FOXK2: variants seen among roughly 807,000 people sequenced by gnomAD.
The protein encoded by FOXK2 is forkhead box K2.
Under a neutral mutation model 53.3 loss-of-function variants are expected in FOXK2, and 24 were observed. The ratio of observed to expected loss-of-function variants is 0.45; its 90% confidence interval spans 0.33 to 0.63. The LOEUF (loss-of-function observed/expected upper bound fraction) is 0.63, where lower values mean the gene tolerates loss of function less well. FOXK2 is among the 30% of genes least tolerant of loss of function. The probability of loss-of-function intolerance (pLI) is 0.03; values close to 1 mark genes in which losing one functional copy is unlikely to be tolerated. For missense variants in FOXK2, 952 were observed against 910.5 expected, an observed-to-expected ratio of 1.05 and a Z score of -0.59; for synonymous variants, 505 against 407.1, an observed-to-expected ratio of 1.24 and a Z score of -2.89.
chr17:82,530,884 A>G (rs923174526), intron 1 of FOXK2, among the ~76,000 whole-genome samples: 2 of 152,200 alleles, frequency 1.3e-5, no homozygotes, highest in Non-Finnish European at 2.9e-5. Context: ...TTTTGAGTAT[A>G]TAGAGAATGT....
chr17:82,544,292 A>T (rs112770240), intron 1 of FOXK2, among the ~76,000 whole-genome samples: 2 of 152,342 alleles, frequency 1.3e-5, no homozygotes, highest in African/African-American at 4.8e-5. Context: ...AACAACAAAA[A>T]TACTTATTGA....
rs569593705 is a variant in FOXK2, at chr17:82,525,124, C to T, written c.419+4817C>T. On this transcript the variant is annotated intron_variant, in intron 1 of 8. Coordinates refer to ENST00000335255, the MANE Select transcript of FOXK2 (RefSeq NM_004514.4). ...CCGAGTAGCTGGGATTACAGATGCC[C>T]GCCACCATGCCCGGCTAATTTTTGT... 1.5e-3 allele frequency among the ~76,000 whole-genome samples: 228 copies of T among 151,578 alleles called. 7 individuals carry two copies. In the South Asian group the frequency reaches 0.046, roughly 30 times the overall value.
At chr17:82,590,300 C>A (rs957214795) in intron 8 of FOXK2, among the ~76,000 whole-genome samples, 1 of 152,102 alleles carries the variant, frequency 6.6e-6, no homozygotes, top group African/African-American at 2.4e-5. Context: ...CACAGGTGCT[C>A]ATAATTTTGG....
chr17:82,597,279 A>G (rs1181883948), intron 8 of FOXK2, among the ~76,000 whole-genome samples: 1 of 152,232 alleles, frequency 6.6e-6, no homozygotes, highest in Admixed American at 6.5e-5. Flanking sequence ...CAACAGAGTC[A>G]GTGCCTTCCC....
intron 4 of FOXK2, among the ~76,000 whole-genome samples, chr17:82,573,538 T>TCA (rs2044943969): frequency 9.4e-6 from 1 of 106,590 alleles, no homozygotes. Flanking sequence ...ACACACACAC[T>TCA]CTCTCTCTCT....
chr17:82,591,981 GC>G (rs2045257304), intron 8 of FOXK2, among the ~76,000 whole-genome samples: 1 of 152,318 alleles, frequency 6.6e-6, no homozygotes, highest in South Asian at 2.1e-4. Context: ...TCAACTCACT[GC>G]AGCCCCGACC....
intron 1 of FOXK2, among the ~76,000 whole-genome samples, chr17:82,561,964 G>A (rs906223479): frequency 7.2e-5 from 11 of 152,298 alleles, no homozygotes; most frequent in South Asian, 4.1e-4. Flanking sequence ...GTCCCGCGCC[G>A]GGTGCGCGGA....
At chr17:82,567,949 A>C in intron 2 of FOXK2, 105 bp from the exon 3 acceptor site, 1 of 488,312 alleles carries the variant, frequency 2.0e-6, no homozygotes. Context: ...TTTTTTTTTT[A>C]ACATTTCTGT....
At chr17:82,558,209 G>A (rs1413234398) in intron 1 of FOXK2, among the ~76,000 whole-genome samples, 1 of 152,100 alleles carries the variant, frequency 6.6e-6, no homozygotes, top group Non-Finnish European at 1.5e-5. Flanking sequence ...ACATGGTGGC[G>A]TGTGCCTGTA....
In FOXK2 at chr17:82,595,898, T is replaced by G. The variant is rs192518170; in HGVS notation, c.1787-5405T>G. Reference sequence around the variant, plus strand: ...TGCTTCTGGAGACAAGAGCAAAGCCTTTTCCGGCAGCCCGGAACCTGGGAT... The same window carrying G: ...TGCTTCTGGAGACAAGAGCAAAGCCGTTTCCGGCAGCCCGGAACCTGGGAT... On this transcript the variant is annotated intron_variant, in intron 8 of 8. Transcript: ENST00000335255. The G allele has an allele frequency of 2.7e-5, 35 of 1,279,334 alleles. No individual in the cohort carries two copies. The East Asian group carries it at 1.9e-3, about 68-fold the overall frequency. 79.2% of individuals were successfully genotyped at this position (1,279,334 alleles called of 1,614,324 possible).
At chr17:82,545,578 G>A (rs906303617) in intron 1 of FOXK2, among the ~76,000 whole-genome samples, 3 of 143,928 alleles carry the variant, frequency 2.1e-5, no homozygotes, top group African/African-American at 7.4e-5. Context: ...GTTGTTGGAA[G>A]GCTTTTTTTT....
chr17:82,603,938 C>G lies in FOXK2; in HGVS notation c.*2439C>G, dbSNP rs2143197542. The G allele has an allele frequency of 6.6e-6, 1 of 152,320 alleles. No individual in the cohort carries two copies. Among genetic ancestry groups the G allele is most frequent in the African/African-American group, 2.4e-5 (1 of 41,570 alleles). 9.4% of individuals were successfully genotyped at this position (152,320 alleles called of 1,614,324 possible). A position where few individuals can be genotyped will look rare whatever the true frequency, so the allele number is the denominator to read the frequency against. Reference sequence around the variant, plus strand: ...TCCCACACCGGGTTTTCTTGCCCGTCTTTAAGGCACTGTTTCTAAATTTTG... The same window carrying G: ...TCCCACACCGGGTTTTCTTGCCCGTGTTTAAGGCACTGTTTCTAAATTTTG... On this transcript the variant is annotated 3_prime_UTR_variant, in exon 9 of 9. Transcript: ENST00000335255.
In FOXK2 at chr17:82,565,101, C is replaced by G. The variant is rs1231782429; in HGVS notation, c.614+1553C>G. 8.5e-5 allele frequency among the ~76,000 whole-genome samples: 13 copies of G among 152,242 alleles called. No homozygotes were observed. The East Asian group carries it at 1.4e-3, about 16-fold the overall frequency. On this transcript the variant is annotated intron_variant, in intron 2 of 8. Coordinates refer to ENST00000335255, the MANE Select transcript of FOXK2 (RefSeq NM_004514.4). ...ATTCAGACTTCCCAACAAGTGGTAC[C>G]AGGTAAACGGTATGTCCACATGGAA...
intron 1 of FOXK2, among the ~76,000 whole-genome samples, chr17:82,538,234 A>G (rs2044539906): frequency 6.6e-6 from 1 of 152,064 alleles, no homozygotes; most frequent in South Asian, 2.1e-4. Flanking sequence ...AAAAAGAAAA[A>G]AAAGATATAG....
At chr17:82,550,601 C>T (rs1404061648) in intron 1 of FOXK2, among the ~76,000 whole-genome samples, 2 of 149,950 alleles carry the variant, frequency 1.3e-5, no homozygotes, top group African/African-American at 4.9e-5. Flanking sequence ...CTCCCGGGTT[C>T]ACGCCATTCT....
chr17:82,528,494 A>G (rs1407906221), intron 1 of FOXK2, among the ~76,000 whole-genome samples: 1 of 152,196 alleles, frequency 6.6e-6, no homozygotes, highest in Non-Finnish European at 1.5e-5. Context: ...TGACAGTCAT[A>G]GTAAATCAAC....
At position 82,586,076 on chromosome 17, in the gene FOXK2, T is replaced by A. The variant is rs953384933; in HGVS notation, c.1452T>A (p.Ser484Arg). 1 of 1,612,752 alleles carries A rather than the reference T, an allele frequency of 6.2e-7. No homozygotes were observed. The highest frequency in any genetic ancestry group is 8.5e-7 in the Non-Finnish European group (1 of 1,179,966). Residue 484 changes from serine (S) to arginine (R), a missense_variant, in exon 7 of 9, where the codon AGT becomes AGA. This residue lies in a region of FOXK2 where 551 missense variants were observed against 385.1 expected (regional missense o/e 1.43). Coordinates refer to ENST00000335255, the MANE Select transcript of FOXK2 (RefSeq NM_004514.4). ...VHQIPAVSVT[S>R]VAGLAPANTY... ...AGATCCCAGCGGTGTCGGTCACCAG[T>A]GTGGCCGGACTGGCCCCAGCGAACA...
Position 82,587,452 on chromosome 17 carries a change from G to A in FOXK2, c.1786+180G>A, listed in dbSNP as rs192075449. The A allele has an allele frequency of 4.2e-3, 2,603 of 617,808 alleles. 6 individuals carry two copies. Among genetic ancestry groups the A allele is most frequent in the Middle Eastern group, 7.9e-3 (18 of 2,276 alleles). 38.3% of individuals were successfully genotyped at this position (617,808 alleles called of 1,614,324 possible). A position where few individuals can be genotyped will look rare whatever the true frequency, so the allele number is the denominator to read the frequency against. On this transcript the variant is annotated intron_variant, in intron 8 of 8. Transcript: ENST00000335255. ...AAGTGGTCGTGGAGTCGGCCGTCAT[G>A]GGATTCCCGTGGGAGGACCTGCCTG...
chr17:82,579,178 T>C (rs2045027401), intron 4 of FOXK2, among the ~76,000 whole-genome samples: 1 of 152,194 alleles, frequency 6.6e-6, no homozygotes, highest in Admixed American at 6.5e-5. Flanking sequence ...TACCATCGTG[T>C]GGGTTTGCTT....
Sources: allele counts gnomAD v4.1 joint callset (sites outside exome capture counted in the v4.1 genomes callset), GRCh38; gene constraint gnomAD v4.1.1; regional missense constraint gnomAD v4.1.1; transcripts MANE v1.5; gene names NCBI Gene and HGNC (gene_info 2026-07-23, HGNC 2026-07-21).